The following MPZ variants were observed in gnomAD, a reference collection of about 807,000 sequenced individuals.
The protein encoded by MPZ is myelin protein zero, also known as myelin protein P0.
A neutral mutation model predicts 27.9 loss-of-function variants in MPZ; 13 were observed. That is an observed-to-expected ratio of 0.47 (90% confidence interval 0.30 to 0.74). MPZ has a LOEUF of 0.74. MPZ is among the 30% of genes least tolerant of loss of function. MPZ has a pLI of 0.06. For missense variants in MPZ, 256 were observed against 317.5 expected, an observed-to-expected ratio of 0.81 and a Z score of 1.47; for synonymous variants, 118 against 128.9, an observed-to-expected ratio of 0.92 and a Z score of 0.57.
chr1:161,306,042 T>C, intron 5 of MPZ, 65 bp from the exon 6 acceptor site: 1 of 1,606,242 alleles, frequency 6.2e-7, no homozygotes, highest in Non-Finnish European at 8.5e-7. Flanking sequence ...ATCCCACCCC[T>C]CACTGCTGCC....
chr1:161,309,552 A>ATATATATATATATTTTTTTTTTTTTTTT, intron 1 of MPZ, among the ~76,000 whole-genome samples: 3 of 80,640 alleles, frequency 3.7e-5, no homozygotes, highest in African/African-American at 1.2e-4. Context: ...ATATATATAT[A>ATATATATATATATTTTTTTTTTTTTTTT]TTTTTTTTTT....
At position 161,305,634 on chromosome 1, in the gene MPZ, G is replaced by A. The variant is rs1235611317; in HGVS notation, c.*242C>T. 3 of 561,768 alleles carry A rather than the reference G, an allele frequency of 5.3e-6. No homozygotes were observed. The African/African-American group carries it at 5.7e-5, about 11-fold the overall frequency. The allele number at this position is 561,768 out of a possible 1,614,324, so 34.8% of individuals were successfully genotyped here. ...GGAAAGCACCTAGACGGGGGTAAGA[G>A]GAGCCTAGGTCCCCCTGCTCTGGCA... On this transcript the variant is annotated 3_prime_UTR_variant, in exon 6 of 6. Coordinates refer to ENST00000533357, the MANE Select transcript of MPZ (RefSeq NM_000530.8).
rs1670217061 is a variant in MPZ at position 161,305,676 on chromosome 1, G to T, written c.*200C>A. 5.1e-6 allele frequency: 3 copies of T among 591,616 alleles called. No individual in the cohort carries two copies. Among genetic ancestry groups the T allele is most frequent in the Non-Finnish European group, 9.0e-6 (3 of 333,030 alleles). 36.6% of individuals were successfully genotyped at this position (591,616 alleles called of 1,614,324 possible). A position where few individuals can be genotyped will look rare whatever the true frequency, so the allele number is the denominator to read the frequency against. ...GCTCTGGCAGGGCCTGGGGTGGGGG[G>T]GTGGCGATCACTTGTCCGAGTTCAG... On this transcript the variant is annotated 3_prime_UTR_variant, in exon 6 of 6. Transcript: ENST00000533357.
chr1:161,308,763 G>A (rs1028699237), intron 1 of MPZ, among the ~76,000 whole-genome samples: 3 of 152,282 alleles, frequency 2.0e-5, no homozygotes, highest in Middle Eastern at 6.8e-3. Flanking sequence ...TGGAACAAGT[G>A]TTGAGACACA....
At position 161,307,482 on chromosome 1, in the gene MPZ, G is replaced by C. The variant is rs530445367; in HGVS notation, c.68-58C>G. On this transcript the variant is annotated intron_variant, in intron 1 of 5. Transcript: ENST00000533357. ...TATGGGCCCAGTAAGGGATACAGAG[G>C]AAGTGAGATCAGTAGGAAATCAAGT... The C allele has an allele frequency of 4.3e-5, 69 of 1,599,366 alleles. No homozygotes were observed. The South Asian group carries it at 7.1e-4, about 16-fold the overall frequency.
intron 1 of MPZ, among the ~76,000 whole-genome samples, chr1:161,308,320 T>C (rs912024918): frequency 2.0e-5 from 3 of 152,162 alleles, no homozygotes; most frequent in African/African-American, 7.2e-5. Flanking sequence ...ACAGCTCAGA[T>C]GACCCTACAT....
At chr1:161,309,667 C>G (rs1670355694) in intron 1 of MPZ, among the ~76,000 whole-genome samples, 172 bp downstream of exon 1, 1 of 150,828 alleles carries the variant, frequency 6.6e-6, no homozygotes, top group Non-Finnish European at 1.5e-5. Flanking sequence ...GCTGGGATTA[C>G]AGGCATGAGC....
intron 1 of MPZ, 69 bp downstream of exon 1, chr1:161,309,770 C>T: frequency 3.1e-6 from 4 of 1,293,110 alleles, no homozygotes; most frequent in Non-Finnish European, 4.4e-6. Context: ...GGGAGTGCAG[C>T]AAAGGCTGTG....
chr1:161,304,446 T>C (rs893771744), downstream of MPZ, among the ~76,000 whole-genome samples: 2 of 151,724 alleles, frequency 1.3e-5, no homozygotes, highest in African/African-American at 4.8e-5. Context: ...AGCTAGAGAG[T>C]GGCTGGGATG....
Position 161,308,617 on chromosome 1 carries a change from T to C in MPZ, c.68-1193A>G, listed in dbSNP as rs114807404. Among the ~76,000 whole-genome samples the C allele has an allele frequency of 5.7e-3, 874 of 152,296 alleles. 6 individuals are homozygous for C. The highest frequency in any genetic ancestry group is 0.02 in the African/African-American group (830 of 41,562). Reference sequence around the variant, plus strand: ...CATGCAATACCATGTACTTACCTTCTGGAACTTCCACCTTAGAACCTTCTT... The same window carrying C: ...CATGCAATACCATGTACTTACCTTCCGGAACTTCCACCTTAGAACCTTCTT... On this transcript the variant is annotated intron_variant, in intron 1 of 5. Coordinates refer to ENST00000533357, the MANE Select transcript of MPZ (RefSeq NM_000530.8).
chr1:161,303,884 A>T (rs1670168286), downstream of MPZ, among the ~76,000 whole-genome samples: 1 of 152,130 alleles, frequency 6.6e-6, no homozygotes, highest in African/African-American at 2.4e-5. Flanking sequence ...GACATTGAAG[A>T]CACCCCTCAA....
rs775361544 is a variant in MPZ, at chr1:161,307,293, G to A, written c.199C>T (p.Arg67Cys). The change falls in exon 2 of 6, where the codon CGC becomes TGC. Residue 67 changes from arginine to cysteine, a missense_variant. This residue lies in a region of MPZ where 155 missense variants were observed against 223.9 expected (regional missense o/e 0.69). Coordinates refer to ENST00000533357, the MANE Select transcript of MPZ (RefSeq NM_000530.8). ...WVSDDISFTW[R>C]YQPEGGRDAI... Reference sequence around the variant, plus strand: ...TCTCTGCCCCCTTCGGGCTGGTAGCGCCAGGTGAAGGAGATGTCATCTGAG... The same window carrying A: ...TCTCTGCCCCCTTCGGGCTGGTAGCACCAGGTGAAGGAGATGTCATCTGAG... 19 of 1,614,132 alleles carry A rather than the reference G, an allele frequency of 1.2e-5. No individual in the cohort carries two copies. In the South Asian group the frequency reaches 1.3e-4, roughly 11 times the overall value.
downstream of MPZ, among the ~76,000 whole-genome samples, chr1:161,303,977 G>A (rs1485815835): frequency 6.6e-6 from 1 of 152,008 alleles, no homozygotes; most frequent in Non-Finnish European, 1.5e-5. Flanking sequence ...AATTACTTGT[G>A]GGCACTTTGG....
intron 3 of MPZ, 85 bp from the exon 4 acceptor site, chr1:161,306,549 G>C: frequency 1.9e-6 from 3 of 1,578,174 alleles, no homozygotes; most frequent in Non-Finnish European, 2.6e-6. Context: ...CTGCATTGAG[G>C]ATGTAGGACT....
chr1:161,305,903 C>G lies in MPZ; in HGVS notation c.720G>C (p.Leu240=). 1 of 1,614,064 alleles carries G rather than the reference C, an allele frequency of 6.2e-7. No homozygotes were observed. The highest frequency in any genetic ancestry group is 8.5e-7 in the Non-Finnish European group (1 of 1,179,966). The part of the protein sequence containing the change: ...KAVSEKKAKG[L]GESRKDKK ...ATTTCTTATCCTTGCGAGACTCCCC[C>G]AGCCCCTTGGCCTTCTTCTCACTGA... is the stretch of plus-strand genomic sequence containing the variant. The change falls in exon 6 of 6, where the codon CTG becomes CTC. Residue 240 remains leucine (L), a synonymous_variant. Transcript: ENST00000533357.
chr1:161,306,796 A>G lies in MPZ; in HGVS notation c.360T>C (p.Ser120=). The change falls in exon 3 of 6, where the codon AGT becomes AGC. Residue 120 remains serine (S), a synonymous_variant. Coordinates refer to ENST00000533357, the MANE Select transcript of MPZ (RefSeq NM_000530.8). ...GSIVIHNLDY[S]DNGTFTCDVK... ...CGTCACAAGTGAACGTGCCATTGTC[A>G]CTGTAGTCTAGGTTGTGTATGACAA... The G allele has an allele frequency of 6.2e-7, 1 of 1,613,896 alleles. No individual in the cohort carries two copies. The highest frequency in any genetic ancestry group is 8.5e-7 in the Non-Finnish European group (1 of 1,179,994).
Position 161,305,677 on chromosome 1 carries a change from G to A in MPZ, c.*199C>T, listed in dbSNP as rs1571816726. ...CTCTGGCAGGGCCTGGGGTGGGGGG[G>A]TGGCGATCACTTGTCCGAGTTCAGG... On this transcript the variant is annotated 3_prime_UTR_variant, in exon 6 of 6. Coordinates refer to ENST00000533357, the MANE Select transcript of MPZ (RefSeq NM_000530.8). The A allele has an allele frequency of 1.7e-6, 1 of 591,524 alleles. No individual in the cohort carries two copies. 36.6% of individuals were successfully genotyped at this position (591,524 alleles called of 1,614,324 possible). A position where few individuals can be genotyped will look rare whatever the true frequency, so the allele number is the denominator to read the frequency against.
At chr1:161,308,293 A>G (rs552984820) in intron 1 of MPZ, among the ~76,000 whole-genome samples, 1 of 152,182 alleles carries the variant, frequency 6.6e-6, no homozygotes, top group South Asian at 2.1e-4. Flanking sequence ...CTGGGTGCAG[A>G]GCAACACCCC....
intron 2 of MPZ, 60 bp downstream of exon 2, chr1:161,307,198 T>C: frequency 6.2e-7 from 1 of 1,606,866 alleles, no homozygotes; most frequent in Non-Finnish European, 8.5e-7. Context: ...AAGTTATCTT[T>C]TTTGTTGTTC....
Sources: gnomAD v4.1 joint callset for allele counts (sites outside exome capture counted in the v4.1 genomes callset) on GRCh38, gnomAD v4.1.1 for gene constraint, gnomAD v4.1.1 regional missense constraint, MANE v1.5 for transcripts, NCBI Gene and HGNC (gene_info 2026-07-23, HGNC 2026-07-21) for gene names.